Variants in PTCD2 observed in about 807,000 individuals in gnomAD.
The protein encoded by PTCD2 is pentatricopeptide repeat-containing protein 2, mitochondrial.
In PTCD2, 31 loss-of-function variants were observed where a neutral mutation model predicts 42.6. The observed-to-expected ratio is 0.73, with a 90% CI of 0.55 to 0.98. The LOEUF (loss-of-function observed/expected upper bound fraction) is 0.98. Ranked by LOEUF, PTCD2 falls within the 50% of genes least tolerant of loss-of-function variation. The pLI is 0.00. For synonymous variants in PTCD2, 183 were observed against 170.9 expected (o/e 1.07, Z -0.55); for missense variants, 476 against 454.8 (o/e 1.05, Z -0.42).
At chr5:72,338,869 G>T (rs1751897185) in intron 7 of PTCD2, 134 bp downstream of exon 7, 1 of 504,780 alleles carries the variant, frequency 2.0e-6, no homozygotes, top group East Asian at 3.1e-5. Flanking sequence ...CAATGCCTTT[G>T]TTGCCATGGC....
chr5:72,334,193 T>A (rs1362564983), intron 4 of PTCD2, among the ~76,000 whole-genome samples: 1 of 152,166 alleles, frequency 6.6e-6, no homozygotes, highest in Non-Finnish European at 1.5e-5. Context: ...ATTTGTCAAT[T>A]AAATAAATAC....
chr5:72,336,544 T>C (rs985562274), intron 6 of PTCD2, among the ~76,000 whole-genome samples: 2 of 152,012 alleles, frequency 1.3e-5, no homozygotes, highest in Non-Finnish European at 2.9e-5. Flanking sequence ...TATACGTTCT[T>C]TTATCAATAC....
At chr5:72,329,125 G>A (rs1751294151) in intron 3 of PTCD2, among the ~76,000 whole-genome samples, 1 of 152,122 alleles carries the variant, frequency 6.6e-6, no homozygotes, top group South Asian at 2.1e-4. Context: ...TAAATATCCT[G>A]AACACTCTTT....
intron 6 of PTCD2, among the ~76,000 whole-genome samples, chr5:72,338,397 T>A (rs1239838923): frequency 1.3e-5 from 2 of 152,208 alleles, no homozygotes; most frequent in East Asian, 3.8e-4. Context: ...TTCAGAAAAT[T>A]GAAAATGAGC....
At position 72,360,611 on chromosome 5, in the gene PTCD2, T is replaced by C. The variant is rs1753070193; in HGVS notation, c.*2184T>C. ...AGGCATTTCATTCTTTAAAACTCAG[T>C]AATTCCTTTGAAAAAATGATGTTTC... On this transcript the variant is annotated 3_prime_UTR_variant, in exon 10 of 10. Transcript: ENST00000380639. 6.6e-6 allele frequency: 1 copy of C among 152,158 alleles called. No homozygotes were observed. The highest frequency in any genetic ancestry group is 1.5e-5 in the Non-Finnish European group (1 of 68,016). 9.4% of individuals were successfully genotyped at this position (152,158 alleles called of 1,614,324 possible).
Position 72,331,277 on chromosome 5 carries a change from A to C in PTCD2, c.370A>C (p.Asn124His). The C allele has an allele frequency of 6.2e-7, 1 of 1,613,630 alleles. No individual in the cohort carries two copies. The highest frequency in any genetic ancestry group is 8.5e-7 in the Non-Finnish European group (1 of 1,179,564). ...VIYRYHAENK[N>H]FTLGEYKFGP... is the part of the protein sequence containing the mutation. ...TACCAGGTACCATGCAGAGAACAAA[A>C]ATTTCACTTTGGGGGAGTATAAATT... The change falls in exon 4 of 10, where the codon AAT becomes CAT. Residue 124 changes from asparagine to histidine, a missense_variant. By Grantham distance (68) the Asn-to-His change is moderately conservative. Transcript: ENST00000380639.
rs893915650 is a variant in PTCD2, at chr5:72,364,747, A to G, written c.*6320A>G. The G allele has an allele frequency of 7.2e-5, 11 of 152,170 alleles. No individual in the cohort carries two copies. The highest frequency in any genetic ancestry group is 1.6e-4 in the Non-Finnish European group (11 of 68,024). 9.4% of individuals were successfully genotyped at this position (152,170 alleles called of 1,614,324 possible). On this transcript the variant is annotated 3_prime_UTR_variant, in exon 10 of 10. Transcript: ENST00000380639. ...CAGAGCCAAGACACAGACAAGTAGA[A>G]TGACTTGCCTGTGCGGGGGTCCTGG...
intron 8 of PTCD2, among the ~76,000 whole-genome samples, chr5:72,350,104 T>C (rs1009320028): frequency 7.2e-5 from 11 of 152,182 alleles, no homozygotes; most frequent in Non-Finnish European, 2.9e-5. Context: ...TAGCACTGCA[T>C]TGAACAAGGT....
intron 2 of PTCD2, 83 bp downstream of exon 2, chr5:72,322,347 A>G (rs528943643): frequency 1.2e-6 from 1 of 835,558 alleles, no homozygotes; most frequent in Non-Finnish European, 2.0e-6. Context: ...TGTCTCCTTC[A>G]GTGACTTTAT....
At chr5:72,326,525 G>A in intron 2 of PTCD2, 87 bp from the exon 3 acceptor site, 1 of 1,457,930 alleles carries the variant, frequency 6.9e-7, no homozygotes. Flanking sequence ...AGTGAGCCGG[G>A]GTTGGGCTTC....
rs1406447650 is a variant in PTCD2, at chr5:72,365,748, CATT to C, written c.*7324_*7326del. On this transcript the variant is annotated 3_prime_UTR_variant, in exon 10 of 10. Coordinates refer to ENST00000380639, the MANE Select transcript of PTCD2 (RefSeq NM_024754.5). ...TGAGGCTTTGGCCTAAAAAGCTTGTCATTATATAAAAAAGCTATAGAGAGCAGA... is the reference window on the plus strand; with the variant it reads ...TGAGGCTTTGGCCTAAAAAGCTTGTCATATAAAAAAGCTATAGAGAGCAGA... 3.9e-5 allele frequency: 6 copies of C among 152,008 alleles called. No homozygotes were observed. Among genetic ancestry groups the C allele is most frequent in the East Asian group, 3.9e-4 (2 of 5,188 alleles). 9.4% of individuals were successfully genotyped at this position (152,008 alleles called of 1,614,324 possible).
intron 7 of PTCD2, among the ~76,000 whole-genome samples, chr5:72,341,275 C>T (rs905625063): frequency 2.6e-5 from 4 of 152,080 alleles, no homozygotes; most frequent in Non-Finnish European, 5.9e-5. Context: ...AACTCCTGAC[C>T]TCAAGTGATC....
chr5:72,324,868 A>G (rs1227799087), intron 2 of PTCD2, among the ~76,000 whole-genome samples: 1 of 151,938 alleles, frequency 6.6e-6, no homozygotes, highest in African/African-American at 2.4e-5. Flanking sequence ...ACAAATGTTG[A>G]TTGATTTGTT....
intron 8 of PTCD2, among the ~76,000 whole-genome samples, chr5:72,344,386 C>A (rs1752241753): frequency 6.6e-6 from 1 of 152,116 alleles, no homozygotes; most frequent in Non-Finnish European, 1.5e-5. Flanking sequence ...GTGGCACTTG[C>A]CTGTAGGTCC....
At chr5:72,321,695 C>T (rs2112111854) in intron 1 of PTCD2, among the ~76,000 whole-genome samples, 1 of 152,358 alleles carries the variant, frequency 6.6e-6, no homozygotes, top group South Asian at 2.1e-4. Context: ...CCTTAACCCC[C>T]TCATTTCACA....
rs752993827 is a variant in PTCD2, at chr5:72,320,427, A to C, written c.45A>C (p.Arg15=). ...SMAAAFRPSN[R]VLLQALQILV... ...CTGCTGCATTTCGGCCCTCGAATCG[A>C]GTTCTCCTGCAGGCGCTGCAGATTT... The change falls in exon 1 of 10, where the codon CGA becomes CGC. Residue 15 remains arginine (R), a synonymous_variant. Coordinates refer to ENST00000380639, the MANE Select transcript of PTCD2 (RefSeq NM_024754.5). 6.2e-7 allele frequency: 1 copy of C among 1,613,844 alleles called. No individual in the cohort carries two copies. Among genetic ancestry groups the C allele is most frequent in the East Asian group, 2.2e-5 (1 of 44,830 alleles).
At chr5:72,345,265 G>T (rs764225147) in intron 8 of PTCD2, among the ~76,000 whole-genome samples, 4 of 152,170 alleles carry the variant, frequency 2.6e-5, no homozygotes, top group Admixed American at 6.5e-5. Context: ...GAGAAATATG[G>T]CTGTGTTCCG....
At chr5:72,334,703 A>G (rs946621284) in intron 4 of PTCD2, among the ~76,000 whole-genome samples, 8 of 152,246 alleles carry the variant, frequency 5.3e-5, no homozygotes, top group African/African-American at 1.9e-4. Flanking sequence ...GGTGCCCACC[A>G]CCATGCCCAG....
At chr5:72,349,407 A>G (rs1472222942) in intron 8 of PTCD2, among the ~76,000 whole-genome samples, 2 of 152,226 alleles carry the variant, frequency 1.3e-5, no homozygotes, top group African/African-American at 2.4e-5. Context: ...AGTGTCTATT[A>G]AGGTTAGGGA....
Sources: allele counts gnomAD v4.1 joint callset (sites outside exome capture counted in the v4.1 genomes callset), GRCh38; gene constraint gnomAD v4.1.1; transcripts MANE v1.5; gene names NCBI Gene and HGNC (gene_info 2026-07-23, HGNC 2026-07-21).